Variants in PHLPP2 observed in about 807,000 individuals in gnomAD.
PHLPP2 encodes the protein PH domain leucine-rich repeat-containing protein phosphatase 2.
PHLPP2 carries 66 observed loss-of-function variants against 124.9 expected under a neutral mutation model. The ratio of observed to expected loss-of-function variants is 0.53; its 90% confidence interval spans 0.43 to 0.65. The LOEUF is 0.65. Among genes scored for constraint, PHLPP2 ranks in the 30% least tolerant of loss-of-function variants. The pLI, the probability that PHLPP2 is intolerant of heterozygous loss-of-function variation, is 0.00. For missense variants in PHLPP2, 1,685 were observed against 1,600.4 expected, an observed-to-expected ratio of 1.05 and a Z score of -0.90; for synonymous variants, 681 against 624.7, an observed-to-expected ratio of 1.09 and a Z score of -1.34.
At chr16:71,700,305 T>C (rs116853562) in intron 3 of PHLPP2, among the ~76,000 whole-genome samples, 14,737 of 151,742 alleles carry the variant, frequency 0.097, 770 homozygotes, top group African/African-American at 0.15. Context: ...CTTGGGAGGC[T>C]GAGGTGGGAG....
At chr16:71,685,694 TACTG>T (rs1196881353) in intron 4 of PHLPP2, among the ~76,000 whole-genome samples, 4 of 152,224 alleles carry the variant, frequency 2.6e-5, no homozygotes, top group Admixed American at 6.5e-5. Context: ...GAAGAATAGA[TACTG>T]ACTGTTTTAG....
intron 1 of PHLPP2, among the ~76,000 whole-genome samples, chr16:71,718,443 G>C (rs183541399): frequency 6.6e-6 from 1 of 151,908 alleles, no homozygotes; most frequent in East Asian, 1.9e-4. Flanking sequence ...AGCTGGGCGT[G>C]GTGGTGCACG....
intron 9 of PHLPP2, among the ~76,000 whole-genome samples, chr16:71,673,172 T>C (rs1433719460): frequency 6.6e-6 from 1 of 152,226 alleles, no homozygotes; most frequent in Non-Finnish European, 1.5e-5. Flanking sequence ...GTGAACATAT[T>C]TGTCCGTGTC....
chr16:71,723,886 A>T, intron 1 of PHLPP2: 1 of 1,043,342 alleles, frequency 9.6e-7, no homozygotes, highest in South Asian at 4.0e-5. Context: ...CAGGATTCAC[A>T]GAGACGCCCG....
chr16:71,686,064 C>T (rs1463805543), intron 4 of PHLPP2, among the ~76,000 whole-genome samples: 1 of 152,154 alleles, frequency 6.6e-6, no homozygotes, highest in Non-Finnish European at 1.5e-5. Context: ...TGAGATCGTG[C>T]CACTGCACTC....
rs2145353520 is a variant in PHLPP2, at chr16:71,690,567, C to CT, written c.560dup (p.Asp188GlyfsTer79). On this transcript the variant is annotated frameshift_variant, in exon 4 of 19. Transcript: ENST00000568954. LOFTEE classifies it high-confidence loss of function. ...TGTGCATCTTTCCAGTTTGACAATC[C>CT]TTCACTGAGGAAACGATAAGGCAGG... is the stretch of plus-strand genomic sequence containing the variant. 1 of 1,613,136 alleles carries CT rather than the reference C, an allele frequency of 6.2e-7. No individual in the cohort carries two copies. The highest frequency in any genetic ancestry group is 1.1e-5 in the South Asian group (1 of 90,850).
At chr16:71,723,968 C>G (rs1597023770) in intron 1 of PHLPP2, 1 of 283,934 alleles carries the variant, frequency 3.5e-6, no homozygotes, top group Admixed American at 6.4e-5. Flanking sequence ...CGCGGCCCGC[C>G]GGCTCCGCCC....
At chr16:71,653,412 A>G (rs1364809083) in intron 17 of PHLPP2, among the ~76,000 whole-genome samples, 1 of 152,126 alleles carries the variant, frequency 6.6e-6, no homozygotes, top group Non-Finnish European at 1.5e-5. Context: ...GGCTGGCCCA[A>G]TAAACTATAC....
chr16:71,724,167 G>C (rs1049692880), intron 1 of PHLPP2, 162 bp downstream of exon 1: 2 of 152,460 alleles, frequency 1.3e-5, no homozygotes. Flanking sequence ...AGCGCAAGGA[G>C]GGGTATTTGC....
chr16:71,655,317 T>C lies in PHLPP2; in HGVS notation c.2508A>G (p.Ala836=), dbSNP rs1281497890. 2.5e-6 allele frequency: 4 copies of C among 1,614,026 alleles called. No homozygotes were observed. The highest frequency in any genetic ancestry group is 2.7e-5 in the African/African-American group (2 of 75,046). Residue 836 remains alanine (A), a synonymous_variant, in exon 17 of 19, where the codon GCA becomes GCG. Coordinates refer to ENST00000568954, the MANE Select transcript of PHLPP2 (RefSeq NM_015020.3). ...GCTGTACCTCTTCTAAAAGCACATC[T>C]GCCATCGTACACTGCAGCAGGCGCG... ...ELPRLLQCTM[A]DVLLEEVQQS...
intron 2 of PHLPP2, among the ~76,000 whole-genome samples, chr16:71,704,265 G>A (rs13334566): frequency 0.037 from 5,453 of 147,948 alleles, 333 homozygotes; most frequent in African/African-American, 0.13. Flanking sequence ...AGCCGAGATG[G>A]TGCCACCGCA....
chr16:71,720,064 G>T (rs1411019441), intron 1 of PHLPP2, among the ~76,000 whole-genome samples: 2 of 148,202 alleles, frequency 1.3e-5, no homozygotes, highest in Admixed American at 6.9e-5. Context: ...CGCCCCCCGG[G>T]GTTCATGCCA....
At chr16:71,718,291 T>C (rs760013417) in intron 1 of PHLPP2, among the ~76,000 whole-genome samples, 23 of 152,266 alleles carry the variant, frequency 1.5e-4, no homozygotes, top group Non-Finnish European at 2.5e-4. Flanking sequence ...TATCAAAACA[T>C]ATATGCGGTC....
At position 71,658,639 on chromosome 16, in the gene PHLPP2, G is replaced by A; in HGVS notation, c.2148+14C>T. 2 of 1,611,994 alleles carry A rather than the reference G, an allele frequency of 1.2e-6. No individual in the cohort carries two copies. The highest frequency in any genetic ancestry group is 1.7e-6 in the Non-Finnish European group (2 of 1,178,688). ...TTCCCCCAATAAGGACATCATTCCA[G>A]CACACAGAAGTACCTGGATCTGAGG... On this transcript the variant is annotated intron_variant, in intron 14 of 18. Transcript: ENST00000568954.
chr16:71,722,767 A>G (rs2045406474), intron 1 of PHLPP2, among the ~76,000 whole-genome samples: 2 of 152,164 alleles, frequency 1.3e-5, no homozygotes, highest in South Asian at 4.1e-4. Context: ...ATTCCATTCC[A>G]CCTGCGGAAG....
intron 8 of PHLPP2, 49 bp downstream of exon 8, chr16:71,678,706 G>T: frequency 1.1e-6 from 1 of 942,252 alleles, no homozygotes; most frequent in Admixed American, 1.8e-5. Context: ...AAGACATAAA[G>T]GTCCACCAGA....
chr16:71,701,572 T>C (rs1384045638), intron 3 of PHLPP2, among the ~76,000 whole-genome samples: 6 of 152,184 alleles, frequency 3.9e-5, no homozygotes, highest in East Asian at 3.8e-4. Context: ...ATCCTGCATA[T>C]GCTGTCATTT....
chr16:71,694,456 G>A (rs943547887), intron 3 of PHLPP2, among the ~76,000 whole-genome samples: 9 of 151,872 alleles, frequency 5.9e-5, no homozygotes, highest in South Asian at 2.1e-4. Context: ...GCAAGACTCC[G>A]TCTCAAAAAA....
chr16:71,653,499 A>G (rs886745901), intron 17 of PHLPP2, among the ~76,000 whole-genome samples: 1 of 152,162 alleles, frequency 6.6e-6, no homozygotes, highest in South Asian at 2.1e-4. Flanking sequence ...TTAGGTTCTA[A>G]GTTCCTCGAG....
Sources: gnomAD v4.1 joint callset for allele counts (sites outside exome capture counted in the v4.1 genomes callset) on GRCh38, gnomAD v4.1.1 for gene constraint, MANE v1.5 for transcripts, NCBI Gene and HGNC (gene_info 2026-07-23, HGNC 2026-07-21) for gene names.